ARID3A: variants seen among roughly 807,000 people sequenced by gnomAD.
ARID3A encodes the protein AT-rich interaction domain 3A.
A neutral mutation model predicts 52.7 loss-of-function variants in ARID3A; 11 were observed. The ratio of observed to expected loss-of-function variants is 0.21; its 90% CI spans 0.13 to 0.35. The LOEUF (loss-of-function observed/expected upper bound fraction) is 0.35. Among genes scored for constraint, ARID3A ranks in the 10% least tolerant of loss-of-function variants. The pLI is 1.00. For missense variants in ARID3A, 721 were observed against 838.5 expected, an observed-to-expected ratio of 0.86 and a Z score of 1.73; for synonymous variants, 404 against 359.4, an observed-to-expected ratio of 1.12 and a Z score of -1.40.
chr19:948,961 G>A (rs528150325), intron 3 of ARID3A, among the ~76,000 whole-genome samples: 7 of 152,158 alleles, frequency 4.6e-5, no homozygotes, highest in African/African-American at 1.4e-4. Context: ...CGCCCGCCTC[G>A]GCCTCCCAAA....
chr19:926,369 G>T (rs2037198345), intron 1 of ARID3A, among the ~76,000 whole-genome samples: 1 of 151,644 alleles, frequency 6.6e-6, no homozygotes, highest in Non-Finnish European at 1.5e-5. Flanking sequence ...AGTTTTCTCT[G>T]CACCCCGCTT....
Position 944,998 on chromosome 19 carries a change from C to T in ARID3A, c.693+12256C>T, listed in dbSNP as rs926116850. Among the ~76,000 whole-genome samples the T allele has an allele frequency of 1.3e-5, 2 of 152,194 alleles. No homozygotes were observed. The highest frequency in any genetic ancestry group is 2.4e-5 in the African/African-American group (1 of 41,440). On this transcript the variant is annotated intron_variant, in intron 3 of 8. Coordinates refer to ENST00000263620, the MANE Select transcript of ARID3A (RefSeq NM_005224.3). The surrounding 1 kb of genome is among the most constrained non-coding windows in gnomAD (Gnocchi z 5.9). ...AATTCTTCCCTGACGGCCATTTTTCCGGGAGTGGCTGGGCGTCTCTGCCCT... is the reference window on the plus strand; with the variant it reads ...AATTCTTCCCTGACGGCCATTTTTCTGGGAGTGGCTGGGCGTCTCTGCCCT...
Position 971,896 on chromosome 19 carries a change from C to T in ARID3A, c.1613C>T (p.Pro538Leu), listed in dbSNP as rs547744138. 3.1e-5 allele frequency: 50 copies of T among 1,602,606 alleles called. No homozygotes were observed. Among genetic ancestry groups the T allele is most frequent in the Non-Finnish European group, 3.8e-5 (45 of 1,174,754 alleles). ...IMYTGVLFAQ[P>L]PAPTPTSAPN... is the part of the protein sequence containing the mutation. ...GCCTTAGGAGTTCTGTTTGCTCAGCCGCCGGCCCCCACGCCAACCTCTGCT... is the reference window on the plus strand; with the variant it reads ...GCCTTAGGAGTTCTGTTTGCTCAGCTGCCGGCCCCCACGCCAACCTCTGCT... The change falls in exon 9 of 9, where the codon CCG becomes CTG. Residue 538 changes from proline (P) to leucine (L), a missense_variant. Transcript: ENST00000263620.
Position 938,787 on chromosome 19 carries a change from C to T in ARID3A, c.693+6045C>T, listed in dbSNP as rs964173498. 1.3e-5 allele frequency among the ~76,000 whole-genome samples: 2 copies of T among 152,160 alleles called. No homozygotes were observed. The highest frequency in any genetic ancestry group is 3.8e-4 in the East Asian group (2 of 5,200). On this transcript the variant is annotated intron_variant, in intron 3 of 8. Coordinates refer to ENST00000263620, the MANE Select transcript of ARID3A (RefSeq NM_005224.3). This position sits in a 1 kb window ranked among gnomAD's most constrained non-coding sequence, Gnocchi z 4.0. Reference sequence around the variant, plus strand: ...CCCAGAGACCGCTGGGTCCTCACCACGGTGCCTGCCAGGCAGCTCTCGGGA... The same window carrying T: ...CCCAGAGACCGCTGGGTCCTCACCATGGTGCCTGCCAGGCAGCTCTCGGGA...
intron 6 of ARID3A, among the ~76,000 whole-genome samples, chr19:965,520 C>A (rs2038130061): frequency 6.7e-6 from 1 of 148,380 alleles, no homozygotes; most frequent in Non-Finnish European, 1.5e-5. Flanking sequence ...ATAGTGAGAC[C>A]CCATCTCAAA....
chr19:973,080 G>C lies in ARID3A; in HGVS notation c.*1015G>C, dbSNP rs2038313727. On this transcript the variant is annotated 3_prime_UTR_variant, in exon 9 of 9. Coordinates refer to ENST00000263620, the MANE Select transcript of ARID3A (RefSeq NM_005224.3). Reference sequence around the variant, plus strand: ...TTGCTTGTGCCGTGCTTGTCTGCTGGGCTCTCGAGTCAGGGGCCTGGAAAT... The same window carrying C: ...TTGCTTGTGCCGTGCTTGTCTGCTGCGCTCTCGAGTCAGGGGCCTGGAAAT... The C allele has an allele frequency of 6.0e-6, 1 of 168,014 alleles. No homozygotes were observed. The highest frequency in any genetic ancestry group is 1.2e-5 in the Non-Finnish European group (1 of 80,196). 10.4% of individuals were successfully genotyped at this position (168,014 alleles called of 1,614,324 possible).
rs2038025718 is a variant in ARID3A at position 960,841 on chromosome 19, T to G, written c.766+677T>G. 6.6e-6 allele frequency among the ~76,000 whole-genome samples: 1 copy of G among 152,108 alleles called. No individual in the cohort carries two copies. Among genetic ancestry groups the G allele is most frequent in the Non-Finnish European group, 1.5e-5 (1 of 68,016 alleles). On this transcript the variant is annotated intron_variant, in intron 4 of 8. Transcript: ENST00000263620. The surrounding 1 kb of genome is among the most constrained non-coding windows in gnomAD (Gnocchi z 4.3). ...TCTGTGCCCCCAAAGTCTCCTGGCC[T>G]AGAGAGGGCAGGTCTGGGCTGGTGT...
intron 3 of ARID3A, among the ~76,000 whole-genome samples, chr19:945,962 A>G (rs915602646): frequency 2.6e-5 from 4 of 152,160 alleles, no homozygotes; most frequent in African/African-American, 9.7e-5. Context: ...AGGGAACCCC[A>G]GGACGGAGTT....
At chr19:966,911 T>G in intron 7 of ARID3A, 43 bp downstream of exon 7, 1 of 1,556,170 alleles carries the variant, frequency 6.4e-7, no homozygotes, top group African/African-American at 1.4e-5. Flanking sequence ...CCTGCGTGTG[T>G]CACACAGTGA....
rs1367942986 is a variant in ARID3A at position 974,682 on chromosome 19, C to T, written c.*2617C>T. 14 of 230,040 alleles carry T rather than the reference C, an allele frequency of 6.1e-5. No homozygotes were observed. In the South Asian group the frequency reaches 2.0e-3, roughly 33 times the overall value. The allele number at this position is 230,040 out of a possible 1,614,324, so 14.2% of individuals were successfully genotyped here. A position where few individuals can be genotyped will look rare whatever the true frequency, so the allele number is the denominator to read the frequency against. On this transcript the variant is annotated 3_prime_UTR_variant, in exon 9 of 9. Coordinates refer to ENST00000263620, the MANE Select transcript of ARID3A (RefSeq NM_005224.3). ...GGGGCCCCCGTGCACCTGCCCACCT[C>T]GGAGCCTGGGGAGGGGCCGTGCAGG...
chr19:953,479 C>CG (rs1359682284), intron 3 of ARID3A, among the ~76,000 whole-genome samples: 1 of 150,124 alleles, frequency 6.7e-6, no homozygotes, highest in East Asian at 2.0e-4. Flanking sequence ...TCCCACACCC[C>CG]CCCCCGTGCA....
chr19:952,446 A>AAAG (rs1342809031), intron 3 of ARID3A, among the ~76,000 whole-genome samples: 1 of 132,788 alleles, frequency 7.5e-6, no homozygotes, highest in Non-Finnish European at 1.5e-5. Flanking sequence ...TGTCTCAAAA[A>AAAG]AAAAAAAAAA....
intron 3 of ARID3A, among the ~76,000 whole-genome samples, chr19:935,596 GC>G (rs953361658): frequency 1.3e-5 from 2 of 152,156 alleles, no homozygotes; most frequent in African/African-American, 4.8e-5. Flanking sequence ...TTCTGCCTCA[GC>G]CTCCTGAGTA....
chr19:948,083 C>A (rs2037725646), intron 3 of ARID3A, among the ~76,000 whole-genome samples: 5 of 152,196 alleles, frequency 3.3e-5, no homozygotes, highest in Middle Eastern at 3.4e-3. Flanking sequence ...TGTGGGTGAC[C>A]CTGCCCTCCC....
rs891664282 is a variant in ARID3A at position 965,626 on chromosome 19, C to G, written c.1198+546C>G. 4.0e-5 allele frequency among the ~76,000 whole-genome samples: 6 copies of G among 151,864 alleles called. No individual in the cohort carries two copies. In the East Asian group the frequency reaches 5.8e-4, roughly 15 times the overall value. On this transcript the variant is annotated intron_variant, in intron 6 of 8. Coordinates refer to ENST00000263620, the MANE Select transcript of ARID3A (RefSeq NM_005224.3). ...GTCAGATGGGTTGAGCCCAGGAGGT[C>G]GAGGCTGTGGTGAACTGAGATTACA...
At chr19:969,606 AGAT>A (rs1283491008) in intron 8 of ARID3A, among the ~76,000 whole-genome samples, 7 of 151,518 alleles carry the variant, frequency 4.6e-5, no homozygotes, top group African/African-American at 1.5e-4. Context: ...AGATATATAT[AGAT>A]TAGATATAGA....
rs756215696 is a variant in ARID3A at position 929,752 on chromosome 19, C to G, written c.224C>G (p.Pro75Arg). The change falls in exon 2 of 9, where the codon CCA becomes CGA. Residue 75 changes from proline to arginine, a missense_variant. Transcript: ENST00000263620. This position sits in a 1 kb window ranked among gnomAD's most constrained non-coding sequence, Gnocchi z 6.2. ...GCTGCAGCTGCGGGCCTGGGACACCCAGCCAGCCCCGGCGGCTCTGAGGAT... is the reference window on the plus strand; with the variant it reads ...GCTGCAGCTGCGGGCCTGGGACACCGAGCCAGCCCCGGCGGCTCTGAGGAT... The part of the protein sequence containing the change: ...MRAAAAGLGH[P>R]ASPGGSEDGP... The G allele has an allele frequency of 1.3e-6, 2 of 1,554,916 alleles. No individual in the cohort carries two copies. The highest frequency in any genetic ancestry group is 1.2e-5 in the South Asian group (1 of 85,384).
chr19:975,485 TC>T lies in ARID3A; in HGVS notation c.*3422del, dbSNP rs1470788389. On this transcript the variant is annotated 3_prime_UTR_variant, in exon 9 of 9. Coordinates refer to ENST00000263620, the MANE Select transcript of ARID3A (RefSeq NM_005224.3). ...CCCCAATTGTGCTTTTGCATTTTTT[TC>T]CTTGGCAAATGTAAACTCAGCCTTT... The T allele has an allele frequency of 1.3e-5, 3 of 227,612 alleles. No individual in the cohort carries two copies. Among genetic ancestry groups the T allele is most frequent in the Non-Finnish European group, 2.6e-5 (3 of 114,530 alleles). The allele number at this position is 227,612 out of a possible 1,614,324, so 14.1% of individuals were successfully genotyped here. A position where few individuals can be genotyped will look rare whatever the true frequency, so the allele number is the denominator to read the frequency against.
chr19:962,335 C>G (rs966432714), intron 4 of ARID3A, among the ~76,000 whole-genome samples: 56 of 152,264 alleles, frequency 3.7e-4, no homozygotes, highest in African/African-American at 1.3e-3. Context: ...CACCCTCTCC[C>G]CTCAGCAGCA....
Sources: gnomAD v4.1 joint callset for allele counts (sites outside exome capture counted in the v4.1 genomes callset) on GRCh38, gnomAD v4.1.1 for gene constraint, Gnocchi (gnomAD v3.1) non-coding constraint, MANE v1.5 for transcripts, NCBI Gene and HGNC (gene_info 2026-07-23, HGNC 2026-07-21) for gene names.